The following TMEM132C variants were observed in gnomAD, a reference collection of about 807,000 sequenced individuals.
TMEM132C encodes the protein transmembrane protein 132C.
In TMEM132C, 29 loss-of-function variants were observed where a neutral mutation model predicts 61.4. The observed-to-expected ratio is 0.47, with a 90% CI of 0.35 to 0.64. The LOEUF (loss-of-function observed/expected upper bound fraction) is 0.64, where lower values mean the gene tolerates loss of function less well. Ranked by LOEUF, TMEM132C falls within the 30% of genes least tolerant of loss-of-function variation. TMEM132C has a pLI of 0.00. For synonymous variants in TMEM132C, 656 were observed against 633.1 expected (o/e 1.04, Z -0.54); for missense variants, 1,408 against 1,476.9 (o/e 0.95, Z 0.76).
chr12:128,308,765 G>T (rs540400411), intron 1 of TMEM132C, among the ~76,000 whole-genome samples: 2 of 152,166 alleles, frequency 1.3e-5, no homozygotes, highest in Non-Finnish European at 2.9e-5. Context: ...GCACAAGGCC[G>T]GGGGTTTGCT....
intron 3 of TMEM132C, among the ~76,000 whole-genome samples, chr12:128,582,123 A>G (rs1870300895): frequency 6.6e-6 from 1 of 152,232 alleles, no homozygotes; most frequent in African/African-American, 2.4e-5. Context: ...AACCCATGTA[A>G]CAGACAAGGA....
chr12:128,456,851 A>G (rs996337896), intron 2 of TMEM132C, among the ~76,000 whole-genome samples: 2 of 152,094 alleles, frequency 1.3e-5, no homozygotes, highest in East Asian at 1.9e-4. Context: ...CACTGTCCTG[A>G]TTTCTATCAC....
chr12:128,417,776 A>G (rs1328221516), intron 2 of TMEM132C, among the ~76,000 whole-genome samples: 5 of 152,218 alleles, frequency 3.3e-5, no homozygotes, highest in African/African-American at 1.2e-4. Flanking sequence ...TCAAACCTTC[A>G]ATAAGCATTG....
chr12:128,690,637 G>T (rs1429008909), intron 5 of TMEM132C, among the ~76,000 whole-genome samples: 1 of 152,196 alleles, frequency 6.6e-6, no homozygotes, highest in Non-Finnish European at 1.5e-5. Context: ...CGACTGTTGT[G>T]CTAATGCCTT....
At chr12:128,484,124 A>G (rs1411618250) in intron 2 of TMEM132C, among the ~76,000 whole-genome samples, 1 of 152,204 alleles carries the variant, frequency 6.6e-6, no homozygotes, top group East Asian at 1.9e-4. Flanking sequence ...CCCACCCATC[A>G]GAGAGCTGTT....
chr12:128,627,997 TC>T (rs1415567010), intron 4 of TMEM132C, among the ~76,000 whole-genome samples: 2 of 152,098 alleles, frequency 1.3e-5, no homozygotes, highest in Non-Finnish European at 2.9e-5. Context: ...AGGTGCAGAA[TC>T]CTGGCATCAG....
intron 1 of TMEM132C, among the ~76,000 whole-genome samples, chr12:128,356,114 G>GAAC (rs1212121046): frequency 6.6e-6 from 1 of 152,204 alleles, no homozygotes; most frequent in Non-Finnish European, 1.5e-5. Context: ...AATTACCCTT[G>GAAC]AACACCCTTA....
intron 2 of TMEM132C, among the ~76,000 whole-genome samples, chr12:128,499,066 T>G (rs1872068992): frequency 6.6e-6 from 1 of 152,080 alleles, no homozygotes; most frequent in South Asian, 2.1e-4. Flanking sequence ...GGACCCAGAA[T>G]AGCCAAAATC....
At chr12:128,440,718 A>G (rs974382255) in intron 2 of TMEM132C, among the ~76,000 whole-genome samples, 4 of 152,168 alleles carry the variant, frequency 2.6e-5, no homozygotes, top group African/African-American at 9.7e-5. Context: ...GAAGATGACA[A>G]TGGGGACCAT....
chr12:128,348,813 C>G (rs1873250876), intron 1 of TMEM132C, among the ~76,000 whole-genome samples: 1 of 152,330 alleles, frequency 6.6e-6, no homozygotes, highest in South Asian at 2.1e-4. Context: ...CTCAAACACG[C>G]AGTTTCTTTG....
At chr12:128,514,543 G>A (rs545187095) in intron 2 of TMEM132C, among the ~76,000 whole-genome samples, 10 of 152,202 alleles carry the variant, frequency 6.6e-5, no homozygotes, top group South Asian at 4.2e-4. Flanking sequence ...CGGGGGCGAC[G>A]CAATTTGTTC....
intron 5 of TMEM132C, among the ~76,000 whole-genome samples, chr12:128,680,490 T>C (rs1435803440): frequency 2.6e-5 from 4 of 152,214 alleles, no homozygotes; most frequent in Admixed American, 2.6e-4. Flanking sequence ...GTGTGACTAT[T>C]TAAATTAGTT....
chr12:128,586,564 C>G (rs1875557131), intron 3 of TMEM132C, among the ~76,000 whole-genome samples: 2 of 152,168 alleles, frequency 1.3e-5, no homozygotes, highest in Admixed American at 1.3e-4. Context: ...AACTGCCAAG[C>G]TGCTGCCTTT....
chr12:128,375,473 C>T (rs1874164390), intron 1 of TMEM132C, among the ~76,000 whole-genome samples: 1 of 152,128 alleles, frequency 6.6e-6, no homozygotes, highest in African/African-American at 2.4e-5. Context: ...TGCATCTCTC[C>T]CTTCTCTGCC....
At chr12:128,426,339 G>A (rs1020944260) in intron 2 of TMEM132C, among the ~76,000 whole-genome samples, 2 of 152,176 alleles carry the variant, frequency 1.3e-5, no homozygotes, top group African/African-American at 4.8e-5. Context: ...TACCTGGCTT[G>A]CCCTGCATGA....
chr12:128,613,693 A>G (rs1876709355), intron 3 of TMEM132C, among the ~76,000 whole-genome samples: 2 of 152,266 alleles, frequency 1.3e-5, no homozygotes, highest in African/African-American at 2.4e-5. Context: ...CACAAAACCC[A>G]GTGCTTTGTT....
At chr12:128,300,008 A>C (rs1247924111) in intron 1 of TMEM132C, among the ~76,000 whole-genome samples, 1 of 152,228 alleles carries the variant, frequency 6.6e-6, no homozygotes, top group Non-Finnish European at 1.5e-5. Context: ...CCAGTGTTCA[A>C]TACTAGACTA....
At chr12:128,315,532 GA>G (rs111235215) in intron 1 of TMEM132C, among the ~76,000 whole-genome samples, 8 of 148,782 alleles carry the variant, frequency 5.4e-5, no homozygotes, top group East Asian at 2.0e-4. Flanking sequence ...CAACTTTTTG[GA>G]AAAAAAAAAC....
chr12:128,542,993 G>A (rs1025762076), intron 2 of TMEM132C, among the ~76,000 whole-genome samples: 2 of 152,046 alleles, frequency 1.3e-5, no homozygotes, highest in African/African-American at 4.8e-5. Context: ...GAAGGAAAAC[G>A]GTATGAGTAG....
Sources: gnomAD v4.1 joint callset for allele counts (sites outside exome capture counted in the v4.1 genomes callset) on GRCh38, gnomAD v4.1.1 for gene constraint, MANE v1.5 for transcripts, NCBI Gene and HGNC (gene_info 2026-07-23, HGNC 2026-07-21) for gene names.